The following RTN1 variants were observed in gnomAD, a reference collection of about 807,000 sequenced individuals.
RTN1 encodes reticulon-1.
RTN1 carries 25 observed loss-of-function variants against 65.5 expected under a neutral mutation model. That is an observed-to-expected ratio of 0.38 (90% confidence interval 0.28 to 0.53). RTN1 has a LOEUF of 0.53. Among genes scored for constraint, RTN1 ranks in the 20% least tolerant of loss-of-function variants. The probability of loss-of-function intolerance (pLI) is 0.79; values close to 1 mark genes in which losing one functional copy is unlikely to be tolerated. For synonymous variants in RTN1, 471 were observed against 447.6 expected, an observed-to-expected ratio of 1.05 and a Z score of -0.66; for missense variants, 983 against 1,025.4, an observed-to-expected ratio of 0.96 and a Z score of 0.57.
At chr14:59,676,223 C>T (rs1883624493) in intron 3 of RTN1, among the ~76,000 whole-genome samples, 1 of 152,114 alleles carries the variant, frequency 6.6e-6, no homozygotes, top group Non-Finnish European at 1.5e-5. Flanking sequence ...CTGTCTTCAA[C>T]TTGAAGTGGA....
chr14:59,818,727 T>TATA (rs1396728396), intron 1 of RTN1, among the ~76,000 whole-genome samples: 1 of 152,212 alleles, frequency 6.6e-6, no homozygotes, highest in East Asian at 1.9e-4. Context: ...TTAACTTATT[T>TATA]GAGAATTCTC....
intron 1 of RTN1, among the ~76,000 whole-genome samples, chr14:59,841,596 A>C (rs944285684): frequency 6.6e-6 from 1 of 152,008 alleles, no homozygotes; most frequent in African/African-American, 2.4e-5. Context: ...AATCCCAGCT[A>C]CTTGGGAGGC....
chr14:59,679,881 G>A (rs1883709133), intron 3 of RTN1, among the ~76,000 whole-genome samples: 1 of 152,072 alleles, frequency 6.6e-6, no homozygotes, highest in South Asian at 2.1e-4. Flanking sequence ...TTTATCTTAG[G>A]TCTAACAGGT....
intron 1 of RTN1, among the ~76,000 whole-genome samples, chr14:59,869,590 GGGC>G (rs202220028): frequency 0.17 from 20,864 of 122,164 alleles, 2,157 homozygotes; most frequent in East Asian, 0.45. Context: ...GGGGGGGGGG[GGGC>G]GCTTAGACTG....
chr14:59,678,731 T>C (rs1384966757), intron 3 of RTN1, among the ~76,000 whole-genome samples: 1 of 152,132 alleles, frequency 6.6e-6, no homozygotes, highest in Non-Finnish European at 1.5e-5. Context: ...GGCTCACTGG[T>C]GTGGAAGAGA....
intron 3 of RTN1, among the ~76,000 whole-genome samples, chr14:59,639,270 A>T (rs1460738164): frequency 6.6e-6 from 1 of 152,244 alleles, no homozygotes; most frequent in Admixed American, 6.5e-5. Context: ...TCACCATAAC[A>T]GTTGTCATAA....
At chr14:59,810,088 A>G (rs572931434) in intron 1 of RTN1, among the ~76,000 whole-genome samples, 5 of 152,272 alleles carry the variant, frequency 3.3e-5, no homozygotes, top group Admixed American at 6.5e-5. Context: ...GCAATTCCAT[A>G]TATCTTATGG....
intron 1 of RTN1, among the ~76,000 whole-genome samples, chr14:59,805,428 G>A (rs1285935946): frequency 6.6e-6 from 1 of 152,130 alleles, no homozygotes; most frequent in Non-Finnish European, 1.5e-5. Context: ...GAGCACCTGA[G>A]AACCTAGCTA....
rs182937465 is a variant in RTN1 at position 59,846,416 on chromosome 14, G to A, written c.241+23974C>T. 3.3e-5 allele frequency among the ~76,000 whole-genome samples: 5 copies of A among 152,028 alleles called. No homozygotes were observed. Among genetic ancestry groups the A allele is most frequent in the Non-Finnish European group, 2.9e-5 (2 of 67,970 alleles). On this transcript the variant is annotated intron_variant, in intron 1 of 8. Coordinates refer to ENST00000267484, the MANE Select transcript of RTN1 (RefSeq NM_021136.3). This position sits in a 1 kb window ranked among gnomAD's most constrained non-coding sequence, Gnocchi z 4.8. Reference sequence around the variant, plus strand: ...TGGATCAGAGTTGATGTATGCACACGTGTGTACACACACACGTGTGTACCA... The same window carrying A: ...TGGATCAGAGTTGATGTATGCACACATGTGTACACACACACGTGTGTACCA...
At chr14:59,859,599 T>C (rs1456498245) in intron 1 of RTN1, among the ~76,000 whole-genome samples, 2 of 152,064 alleles carry the variant, frequency 1.3e-5, no homozygotes, top group African/African-American at 4.8e-5. Context: ...ACTTTGGAAG[T>C]GGGTAAGAGG....
chr14:59,781,081 C>T (rs1886146441), intron 1 of RTN1, among the ~76,000 whole-genome samples: 1 of 151,976 alleles, frequency 6.6e-6, no homozygotes, highest in African/African-American at 2.4e-5. Context: ...TGTTTAGTAC[C>T]CCAACAACCA....
intron 2 of RTN1, among the ~76,000 whole-genome samples, chr14:59,737,084 A>C (rs1885016885): frequency 6.6e-6 from 1 of 152,228 alleles, no homozygotes; most frequent in Non-Finnish European, 1.5e-5. Context: ...AGCTGGAAGC[A>C]TTCCTATTAA....
intron 1 of RTN1, among the ~76,000 whole-genome samples, chr14:59,759,786 TG>T (rs1885712712): frequency 6.6e-6 from 1 of 151,522 alleles, no homozygotes; most frequent in Admixed American, 6.6e-5. Context: ...AAATGCAAAT[TG>T]AAAAATCCCT....
intron 1 of RTN1, among the ~76,000 whole-genome samples, chr14:59,800,545 C>A (rs1031861802): frequency 6.6e-6 from 1 of 152,044 alleles, no homozygotes; most frequent in South Asian, 2.1e-4. Flanking sequence ...GGACTACAGG[C>A]GCCCACCACC....
At chr14:59,689,818 A>G (rs1033865348) in intron 3 of RTN1, among the ~76,000 whole-genome samples, 10 of 152,204 alleles carry the variant, frequency 6.6e-5, no homozygotes, top group Non-Finnish European at 1.2e-4. Context: ...TTCTAAACAT[A>G]AAAGCAAAAG....
intron 3 of RTN1, among the ~76,000 whole-genome samples, chr14:59,687,573 A>T (rs144391171): frequency 1.7e-4 from 26 of 152,146 alleles, no homozygotes; most frequent in African/African-American, 6.3e-4. Flanking sequence ...GTGGATCTCC[A>T]GGCATTTGGA....
chr14:59,731,208 C>T (rs1240473147), intron 2 of RTN1, among the ~76,000 whole-genome samples: 4 of 152,250 alleles, frequency 2.6e-5, no homozygotes, highest in East Asian at 1.9e-4. Flanking sequence ...TGTGTTACAA[C>T]ATGGCTAAAT....
At position 59,802,080 on chromosome 14, in the gene RTN1, G is replaced by T. The variant is rs547561596; in HGVS notation, c.242-55599C>A. Among the ~76,000 whole-genome samples the T allele has an allele frequency of 3.2e-4, 48 of 152,276 alleles. 1 individual carries two copies. The South Asian group carries it at 9.9e-3, about 32-fold the overall frequency. ...TTGTGAACATTGTGTACACCTGAAG[G>T]TTTTGAAGCAACTGGTAGAGTTACT... On this transcript the variant is annotated intron_variant, in intron 1 of 8. Coordinates refer to ENST00000267484, the MANE Select transcript of RTN1 (RefSeq NM_021136.3).
intron 1 of RTN1, among the ~76,000 whole-genome samples, chr14:59,827,239 T>G (rs1266339365): frequency 6.6e-6 from 1 of 152,100 alleles, no homozygotes; most frequent in African/African-American, 2.4e-5. Flanking sequence ...CCACCACGCC[T>G]GGCTAAGTTT....
Sources: gnomAD v4.1 joint callset for allele counts (sites outside exome capture counted in the v4.1 genomes callset) on GRCh38, gnomAD v4.1.1 for gene constraint, Gnocchi (gnomAD v3.1) non-coding constraint, MANE v1.5 for transcripts, NCBI Gene and HGNC (gene_info 2026-07-23, HGNC 2026-07-21) for gene names.